Variants in GGCT observed in about 807,000 individuals in gnomAD.
GGCT encodes cytochrome c-releasing factor 21.
A neutral mutation model predicts 22.1 loss-of-function variants in GGCT; 20 were observed. The observed-to-expected ratio is 0.91, with a 90% CI of 0.64 to 1.32. GGCT has a LOEUF of 1.32. Ranked by LOEUF, GGCT falls within the 40% of genes most tolerant of loss-of-function variation. The pLI is 0.00. For synonymous variants in GGCT, 72 were observed against 78.4 expected (o/e 0.92, Z 0.43); for missense variants, 209 against 223.5 (o/e 0.94, Z 0.41).
chr7:30,499,501 C>T (rs570989787), intron 2 of GGCT, among the ~76,000 whole-genome samples: 3 of 151,634 alleles, frequency 2.0e-5, no homozygotes, highest in African/African-American at 4.8e-5. Context: ...GTCAGGAGTT[C>T]GAGGCCAGCC....
intron 3 of GGCT, among the ~76,000 whole-genome samples, 155 bp downstream of exon 3, chr7:30,498,648 A>G (rs1005278281): frequency 6.6e-6 from 1 of 152,070 alleles, no homozygotes; most frequent in Non-Finnish European, 1.5e-5. Flanking sequence ...CAAACTCCTA[A>G]CTTCAGGTGA....
rs747177148 is a variant in GGCT, at chr7:30,497,201, G to C, written c.458C>G (p.Pro153Arg). ...TTTTAACTTCTCTTGATACTCCAGCGGCAAACCATTTTCTTTTGCACCCAT... is the reference window on the plus strand; with the variant it reads ...TTTTAACTTCTCTTGATACTCCAGCCGCAAACCATTTTCTTTTGCACCCAT... ...ICMGAKENGL[P>R]LEYQEKLKAI... Residue 153 changes from proline to arginine, a missense_variant, in exon 4 of 4, where the codon CCG becomes CGG. Pro to Arg is a moderately radical substitution (Grantham distance 103). Coordinates refer to ENST00000275428, the MANE Select transcript of GGCT (RefSeq NM_024051.4). The C allele has an allele frequency of 1.9e-6, 3 of 1,609,882 alleles. No homozygotes were observed. Among genetic ancestry groups the C allele is most frequent in the Non-Finnish European group, 2.5e-6 (3 of 1,178,116 alleles).
chr7:30,498,324 T>A (rs1040940282), intron 3 of GGCT, among the ~76,000 whole-genome samples: 2 of 152,024 alleles, frequency 1.3e-5, no homozygotes, highest in Non-Finnish European at 2.9e-5. Context: ...TATTTTTGAA[T>A]CTGTACATTA....
intron 3 of GGCT, chr7:30,497,852 T>C (rs200962598): frequency 7.0e-5 from 102 of 1,447,260 alleles, no homozygotes; most frequent in Non-Finnish European, 8.8e-5. Context: ...CTTGCAAGGG[T>C]GATTTCCCTG....
intron 1 of GGCT, 86 bp from the exon 2 acceptor site, chr7:30,500,767 C>T: frequency 9.2e-7 from 1 of 1,081,434 alleles, no homozygotes; most frequent in Non-Finnish European, 1.4e-6. Flanking sequence ...ACCTTGAACT[C>T]CATGCAATTA....
At chr7:30,501,406 T>C (rs771045852) in intron 1 of GGCT, among the ~76,000 whole-genome samples, 2 of 152,210 alleles carry the variant, frequency 1.3e-5, no homozygotes, top group African/African-American at 2.4e-5. Context: ...TTGGCTAATA[T>C]ATAATTATGG....
rs575983325 is a variant in GGCT, at chr7:30,501,179, T to G, written c.142-498A>C. On this transcript the variant is annotated intron_variant, in intron 1 of 3. Coordinates refer to ENST00000275428, the MANE Select transcript of GGCT (RefSeq NM_024051.4). Reference sequence around the variant, plus strand: ...TGAGGATGAATGATTTGTGTACTTATGAACACTAATACTCACGAATTATAC... The same window carrying G: ...TGAGGATGAATGATTTGTGTACTTAGGAACACTAATACTCACGAATTATAC... Among the ~76,000 whole-genome samples the G allele has an allele frequency of 3.9e-5, 6 of 152,352 alleles. No individual in the cohort carries two copies. The East Asian group carries it at 1.2e-3, about 29-fold the overall frequency.
Position 30,504,758 on chromosome 7 carries a change from G to A in GGCT, c.-49C>T, listed in dbSNP as rs772398202. 3.1e-6 allele frequency: 5 copies of A among 1,589,916 alleles called. No homozygotes were observed. In the South Asian group the frequency reaches 5.5e-5, roughly 18 times the overall value. On this transcript the variant is annotated 5_prime_UTR_variant, in exon 1 of 4. Coordinates refer to ENST00000275428, the MANE Select transcript of GGCT (RefSeq NM_024051.4). Reference sequence around the variant, plus strand: ...AGCCTGAAGCAGAGTGTAAGGAACGGCCAGAGAGCGCAACACTGGGGCCCA... The same window carrying A: ...AGCCTGAAGCAGAGTGTAAGGAACGACCAGAGAGCGCAACACTGGGGCCCA...
chr7:30,504,682 T>G lies in GGCT; in HGVS notation c.28A>C (p.Thr10Pro). The G allele has an allele frequency of 6.2e-7, 1 of 1,614,054 alleles. No homozygotes were observed. Among genetic ancestry groups the G allele is most frequent in the South Asian group, 1.1e-5 (1 of 91,082 alleles). Reference protein sequence around the residue: MANSGCKDVTGPDEESFLYF... With the variant: MANSGCKDVPGPDEESFLYF... ...AGAAAACTCTCCTCATCTGGACCCG[T>G]GACGTCCTTGCAGCCCGAGTTGGCC... Residue 10 changes from threonine (T) to proline (P), a missense_variant, in exon 1 of 4, where the codon ACG (threonine) becomes CCG (proline). By Grantham distance (38) the Thr-to-Pro change is conservative (BLOSUM62 -1). Transcript: ENST00000275428.
At chr7:30,503,781 C>CTTTTTTTTT (rs58105855) in intron 1 of GGCT, among the ~76,000 whole-genome samples, 1 of 68,560 alleles carries the variant, frequency 1.5e-5, no homozygotes, top group Non-Finnish European at 2.5e-5. Context: ...TCAACACATT[C>CTTTTTTTTT]TTTTTTTTTT....
At chr7:30,497,816 TC>T (rs1244448169) in intron 3 of GGCT, 12 of 1,455,794 alleles carry the variant, frequency 8.2e-6, no homozygotes, top group Non-Finnish European at 1.1e-5. Flanking sequence ...AATTTTGGGG[TC>T]TCTATCCCAC....
rs201160960 is a variant in GGCT at position 30,500,547 on chromosome 7, A to G, written c.276T>C (p.Asn92=). 3.7e-6 allele frequency: 6 copies of G among 1,612,902 alleles called. No homozygotes were observed. Among genetic ancestry groups the G allele is most frequent in the Non-Finnish European group, 5.1e-6 (6 of 1,179,266 alleles). ...VVWKMNKSNL[N]SLDEQEGVKS... is the part of the protein sequence containing the mutation. Reference sequence around the variant, plus strand: ...TAGAAGCCACCTACTCATCCAGAGAATTTAAATTGCTTTTGTTCATTTTCC... The same window carrying G: ...TAGAAGCCACCTACTCATCCAGAGAGTTTAAATTGCTTTTGTTCATTTTCC... The change falls in exon 2 of 4, where the codon AAT becomes AAC. Residue 92 remains asparagine, a synonymous_variant. Coordinates refer to ENST00000275428, the MANE Select transcript of GGCT (RefSeq NM_024051.4).
At position 30,497,739 on chromosome 7, in the gene GGCT, A is replaced by T. The variant is rs200273357; in HGVS notation, c.424-504T>A. 5.5e-4 allele frequency: 769 copies of T among 1,395,364 alleles called. 1 individual carries two copies. Among genetic ancestry groups the T allele is most frequent in the Non-Finnish European group, 6.5e-4 (694 of 1,060,062 alleles). 86.4% of individuals were successfully genotyped at this position (1,395,364 alleles called of 1,614,324 possible). A position where few individuals can be genotyped will look rare whatever the true frequency, so the allele number is the denominator to read the frequency against. ...CCAAACGAGGCCTAGGAACCAGATTACCTATTACAGGTGCCATGACCTGAT... is the reference window on the plus strand; with the variant it reads ...CCAAACGAGGCCTAGGAACCAGATTTCCTATTACAGGTGCCATGACCTGAT... On this transcript the variant is annotated intron_variant, in intron 3 of 3. Coordinates refer to ENST00000275428, the MANE Select transcript of GGCT (RefSeq NM_024051.4).
chr7:30,499,946 G>A (rs553913517), intron 2 of GGCT, among the ~76,000 whole-genome samples: 1 of 151,962 alleles, frequency 6.6e-6, no homozygotes, highest in Admixed American at 6.6e-5. Flanking sequence ...TAGAGAGGAT[G>A]GCTCTTTCTC....
intron 1 of GGCT, among the ~76,000 whole-genome samples, chr7:30,503,778 ATTC>A (rs2128124450): frequency 1.0e-5 from 1 of 96,390 alleles, no homozygotes. Context: ...CTTTCAACAC[ATTC>A]TTTTTTTTTT....
rs1562740425 is a variant in GGCT, at chr7:30,497,248, A to AAAAC, written c.424-17_424-14dup. ...CCATGCAAATAATCTGGAAATGGTTAAAACAAACAGACAAAAAAACCCTTT... is the reference window on the plus strand; with the variant it reads ...CCATGCAAATAATCTGGAAATGGTTAAAACAAACAAACAGACAAAAAAACCCTTT... On this transcript the variant is annotated splice_polypyrimidine_tract_variant and intron_variant, in intron 3 of 3. Coordinates refer to ENST00000275428, the MANE Select transcript of GGCT (RefSeq NM_024051.4). 1.3e-6 allele frequency: 2 copies of AAAAC among 1,589,416 alleles called. No individual in the cohort carries two copies. The highest frequency in any genetic ancestry group is 3.7e-5 in the Admixed American group (2 of 54,362).
Position 30,497,221 on chromosome 7 carries a change from A to G in GGCT, c.438T>C (p.Gly146=). The G allele has an allele frequency of 1.2e-6, 2 of 1,604,670 alleles. No individual in the cohort carries two copies. The highest frequency in any genetic ancestry group is 1.7e-6 in the Non-Finnish European group (2 of 1,177,204). The change falls in exon 4 of 4, where the codon GGT becomes GGC. Residue 146 remains glycine (G), a synonymous_variant. Transcript: ENST00000275428. ...SPQYKKIICM[G]AKENGLPLEY... is the part of the protein sequence containing the mutation. ...CCAGCGGCAAACCATTTTCTTTTGC[A>G]CCCATGCAAATAATCTGGAAATGGT... is the stretch of plus-strand genomic sequence containing the variant.
At chr7:30,502,181 A>G (rs28679) in intron 1 of GGCT, among the ~76,000 whole-genome samples, 90,036 of 152,102 alleles carry the variant, frequency 0.59, 28,896 homozygotes, top group Non-Finnish European at 0.72. Flanking sequence ...TTTGGATGCA[A>G]GAACTTTTTT....
chr7:30,499,979 C>A (rs6462210), intron 2 of GGCT, among the ~76,000 whole-genome samples: 1 of 151,956 alleles, frequency 6.6e-6, no homozygotes, highest in Non-Finnish European at 1.5e-5. Flanking sequence ...GGTAAAGTAT[C>A]GAGCATGTCA....
Sources: allele counts gnomAD v4.1 joint callset (sites outside exome capture counted in the v4.1 genomes callset), GRCh38; gene constraint gnomAD v4.1.1; transcripts MANE v1.5; gene names NCBI Gene and HGNC (gene_info 2026-07-23, HGNC 2026-07-21).